The following COPS5 variants were observed in gnomAD, a reference collection of about 807,000 sequenced individuals.
COPS5 encodes the protein COP9 signalosome subunit 5, also known as COP9 signalosome complex subunit 5.
A neutral mutation model predicts 44.4 loss-of-function variants in COPS5; 8 were observed. That is an observed-to-expected ratio of 0.18 (90% CI 0.11 to 0.32). The LOEUF (loss-of-function observed/expected upper bound fraction) is 0.32, where lower values mean the gene tolerates loss of function less well. Among genes scored for constraint, COPS5 ranks in the 10% least tolerant of loss-of-function variants. COPS5 has a pLI of 1.00. For synonymous variants in COPS5, 122 were observed against 142.8 expected (o/e 0.85, Z 1.04); for missense variants, 159 against 406.4 (o/e 0.39, Z 5.23).
Position 67,056,632 on chromosome 8 carries a change from T to G in COPS5, c.574-28A>C, listed in dbSNP as rs539830941. On this transcript the variant is annotated intron_variant, in intron 4 of 7. Transcript: ENST00000357849. ...AAACAAAAATGAGGTAAACAGAAGA[T>G]TAAGAAAAAAAAAAAAAAAAATATA... 28 of 135,210 alleles carry G rather than the reference T, an allele frequency of 2.1e-4. 1 individual carries two copies. Among genetic ancestry groups the G allele is most frequent in the Middle Eastern group, 3.4e-3 (1 of 298 alleles). The allele number at this position is 135,210 out of a possible 1,614,324, so 8.4% of individuals were successfully genotyped here. A position where few individuals can be genotyped will look rare whatever the true frequency, so the allele number is the denominator to read the frequency against.
intron 1 of COPS5, chr8:67,060,088 T>TGTTGAAGG (rs773436109): frequency 2.9e-5 from 5 of 170,980 alleles, no homozygotes; most frequent in Non-Finnish European, 5.1e-5. Context: ...AAGAACAGAG[T>TGTTGAAGG]GTTGAAGGGT....
chr8:67,059,098 AAAATTT>A (rs1804551403), intron 2 of COPS5, 107 bp downstream of exon 2: 1 of 664,212 alleles, frequency 1.5e-6, no homozygotes, highest in Admixed American at 3.0e-5. Flanking sequence ...ATAAATCATT[AAAATTT>A]AAATATAAAA....
chr8:67,051,616 C>T (rs560212094), intron 5 of COPS5, among the ~76,000 whole-genome samples: 1 of 152,288 alleles, frequency 6.6e-6, no homozygotes, highest in Non-Finnish European at 1.5e-5. Context: ...TTCTGAATGA[C>T]AAGTTTATTC....
intron 5 of COPS5, among the ~76,000 whole-genome samples, chr8:67,052,393 G>A (rs913294770): frequency 6.6e-6 from 1 of 151,582 alleles, no homozygotes; most frequent in Non-Finnish European, 1.5e-5. Context: ...TCTAGGTGGT[G>A]AAGGATGTTA....
At position 67,062,018 on chromosome 8, in the gene COPS5, G is replaced by A. The variant is rs754148531; in HGVS notation, c.-22C>T. 15 of 1,614,042 alleles carry A rather than the reference G, an allele frequency of 9.3e-6. No homozygotes were observed. Among genetic ancestry groups the A allele is most frequent in the Non-Finnish European group, 5.9e-6 (7 of 1,180,046 alleles). ...CCATCGCCGAGGAAGCGGAGAAGTT[G>A]TCGTCTCTACAACCAAGACGCAACT... On this transcript the variant is annotated 5_prime_UTR_variant, in exon 1 of 8. Coordinates refer to ENST00000357849, the MANE Select transcript of COPS5 (RefSeq NM_006837.3).
chr8:67,049,748 A>G (rs1314528827), intron 6 of COPS5, among the ~76,000 whole-genome samples: 5 of 152,192 alleles, frequency 3.3e-5, no homozygotes, highest in African/African-American at 9.7e-5. Flanking sequence ...ATCAAAGAGC[A>G]TAAGAAACTT....
chr8:67,051,355 G>A lies in COPS5; in HGVS notation c.660-14C>T, dbSNP rs777366271. On this transcript the variant is annotated splice_polypyrimidine_tract_variant and intron_variant, in intron 5 of 7. Coordinates refer to ENST00000357849, the MANE Select transcript of COPS5 (RefSeq NM_006837.3). ...AAGGCATAATATCTATGAAATAAAA[G>A]CATAAAATTTAGTAAGTAAAAAAAA... The A allele has an allele frequency of 6.8e-7, 1 of 1,475,586 alleles. No homozygotes were observed. The highest frequency in any genetic ancestry group is 9.3e-7 in the Non-Finnish European group (1 of 1,075,416). The allele number at this position is 1,475,586 out of a possible 1,614,324, so 91.4% of individuals were successfully genotyped here. A position where few individuals can be genotyped will look rare whatever the true frequency, so the allele number is the denominator to read the frequency against.
intron 4 of COPS5, 143 bp downstream of exon 4, chr8:67,057,237 G>A (rs560500656): frequency 3.1e-5 from 13 of 418,642 alleles, no homozygotes; most frequent in East Asian, 1.4e-4. Flanking sequence ...CATTCCTACC[G>A]TCCCAGCTAC....
Position 67,051,227 on chromosome 8 carries a change from T to C in COPS5, c.771+3A>G, listed in dbSNP as rs995602219. 2 of 1,539,464 alleles carry C rather than the reference T, an allele frequency of 1.3e-6. No individual in the cohort carries two copies. The highest frequency in any genetic ancestry group is 2.2e-5 in the South Asian group (2 of 89,560). On this transcript the variant is annotated splice_donor_region_variant and intron_variant, in intron 6 of 7. Transcript: ENST00000357849. ...ATGCATTCTTTACAAGTATAGTACT[T>C]ACAGTAAGCAAGCTAGAAGAACTCA...
intron 5 of COPS5, 66 bp from the exon 6 acceptor site, chr8:67,051,407 A>G (rs1804411072): frequency 1.2e-6 from 1 of 836,782 alleles, no homozygotes; most frequent in African/African-American, 1.7e-5. Context: ...CATAAAACTT[A>G]TGGCCAGATT....
chr8:67,049,470 A>G (rs1226248252), intron 6 of COPS5, among the ~76,000 whole-genome samples: 2 of 152,078 alleles, frequency 1.3e-5, no homozygotes, highest in South Asian at 2.1e-4. Context: ...TCTCGAAAAG[A>G]AAAAGAAAAA....
chr8:67,058,221 G>C lies in COPS5; in HGVS notation c.379-10C>G. On this transcript the variant is annotated splice_polypyrimidine_tract_variant and intron_variant, in intron 2 of 7. Transcript: ENST00000357849. ...TTTCAAGGCGGCCAACCTAACAAAT[G>C]AAGGGGCAAAAAAGTTTAAGATTAC... 2 of 1,610,876 alleles carry C rather than the reference G, an allele frequency of 1.2e-6. No homozygotes were observed. Among genetic ancestry groups the C allele is most frequent in the Non-Finnish European group, 1.7e-6 (2 of 1,178,202 alleles).
chr8:67,059,666 T>G (rs935965861), intron 1 of COPS5: 10 of 516,190 alleles, frequency 1.9e-5, no homozygotes, highest in African/African-American at 1.9e-4. Context: ...GGGAAAAGTC[T>G]GAAATACTTT....
chr8:67,057,469 T>C (rs777436670), intron 3 of COPS5, 24 bp from the exon 4 acceptor site: 2 of 1,513,466 alleles, frequency 1.3e-6, no homozygotes, highest in Middle Eastern at 1.7e-4. Context: ...ATATTTAATA[T>C]CTGCTGATAT....
At chr8:67,045,603 C>T in intron 7 of COPS5, 2 of 563,164 alleles carry the variant, frequency 3.6e-6, no homozygotes, top group South Asian at 4.6e-5. Flanking sequence ...TTGATTTAAG[C>T]CTTTTCATGT....
At chr8:67,061,096 G>C (rs1804604411) in intron 1 of COPS5, 1 of 168,452 alleles carries the variant, frequency 5.9e-6, no homozygotes, top group Non-Finnish European at 1.3e-5. Flanking sequence ...AAATCTCTCA[G>C]GAGATGCTCT....
chr8:67,060,805 G>A lies in COPS5; in HGVS notation c.143+1049C>T, dbSNP rs190661872. The A allele has an allele frequency of 2.2e-5, 5 of 228,818 alleles. No individual in the cohort carries two copies. The East Asian group carries it at 3.7e-4, about 17-fold the overall frequency. The allele number at this position is 228,818 out of a possible 1,614,324, so 14.2% of individuals were successfully genotyped here. On this transcript the variant is annotated intron_variant, in intron 1 of 7. Transcript: ENST00000357849. ...TCAGTATGATCATAAATTACATAAC[G>A]TATTTGCTTGTTTTTTAATTTGTAA...
rs772520899 is a variant in COPS5 at position 67,061,804 on chromosome 8, A to G, written c.143+50T>C. On this transcript the variant is annotated intron_variant, in intron 1 of 7. Transcript: ENST00000357849. ...ACCTCCCTCTCCCTCTGGGTCTCTT[A>G]AACTCCGCCACCCTTTCCCTCCCCT... 9 of 1,597,254 alleles carry G rather than the reference A, an allele frequency of 5.6e-6. 1 individual carries two copies. In the South Asian group the frequency reaches 9.9e-5, roughly 18 times the overall value.
chr8:67,057,930 A>T (rs1290825787), intron 3 of COPS5, among the ~76,000 whole-genome samples, 153 bp downstream of exon 3: 1 of 152,252 alleles, frequency 6.6e-6, no homozygotes, highest in Non-Finnish European at 1.5e-5. Flanking sequence ...ATTTGCTCAA[A>T]GTCCCAGCTT....
Sources: gnomAD v4.1 joint callset for allele counts (sites outside exome capture counted in the v4.1 genomes callset) on GRCh38, gnomAD v4.1.1 for gene constraint, MANE v1.5 for transcripts, NCBI Gene and HGNC (gene_info 2026-07-23, HGNC 2026-07-21) for gene names.